GFPT2: variants seen among roughly 807,000 people sequenced by gnomAD.
GFPT2 encodes the protein glutamine--fructose-6-phosphate transaminase 2, also known as glutamine--fructose-6-phosphate aminotransferase [isomerizing] 2.
Under a neutral mutation model 85.6 loss-of-function variants are expected in GFPT2, and 62 were observed. The ratio of observed to expected loss-of-function variants is 0.72; its 90% confidence interval spans 0.59 to 0.90. The LOEUF (loss-of-function observed/expected upper bound fraction) is 0.90, where lower values mean the gene tolerates loss of function less well. Ranked by LOEUF, GFPT2 falls within the 40% of genes least tolerant of loss-of-function variation. The pLI, the probability that GFPT2 is intolerant of heterozygous loss-of-function variation, is 0.00. For missense variants in GFPT2, 788 were observed against 893.4 expected, an observed-to-expected ratio of 0.88 and a Z score of 1.50; for synonymous variants, 368 against 344.5, an observed-to-expected ratio of 1.07 and a Z score of -0.75.
At position 180,330,751 on chromosome 5, in the gene GFPT2, TTC is replaced by T. The variant is rs1764286809; in HGVS notation, c.481_482del (p.Glu161AsnfsTer2). ...KLIKYVFDNR[E>X]TEDITFSTLV... ...ACGTTGAAAACGTAATGTCCTCAGT[TTC>T]TCTGTTGTCGAACACATATTTAATC... On this transcript the variant is annotated frameshift_variant, in exon 6 of 19. Transcript: ENST00000253778. LOFTEE classifies it high-confidence loss of function. This position sits in a 1 kb window ranked among gnomAD's most constrained non-coding sequence, Gnocchi z 4.4. 1.2e-6 allele frequency: 2 copies of T among 1,613,066 alleles called. No homozygotes were observed. The highest frequency in any genetic ancestry group is 2.2e-5 in the South Asian group (2 of 91,080).
chr5:180,324,725 T>C, intron 8 of GFPT2, 91 bp downstream of exon 8: 1 of 859,614 alleles, frequency 1.2e-6, no homozygotes. Flanking sequence ...GGGGTTTCCT[T>C]GCCTCAGAGG....
At chr5:180,336,855 G>A (rs1764411691) in intron 2 of GFPT2, among the ~76,000 whole-genome samples, 1 of 152,264 alleles carries the variant, frequency 6.6e-6, no homozygotes, top group African/African-American at 2.4e-5. Flanking sequence ...CCCCGCTGCA[G>A]GCGCTCCCAG....
chr5:180,351,288 A>G (rs1764705950), intron 1 of GFPT2, among the ~76,000 whole-genome samples: 1 of 152,208 alleles, frequency 6.6e-6, no homozygotes. Flanking sequence ...AGGATACTTA[A>G]GCAAGTGTCA....
Position 180,302,965 on chromosome 5 carries a change from C to G in GFPT2, c.1843-381G>C, listed in dbSNP as rs188353339. ...GAATTCCAGGCCGGGCGTGGTGGCT[C>G]ACGCCTGTAATCCCAACACTTTGGG... On this transcript the variant is annotated intron_variant, in intron 17 of 18. Coordinates refer to ENST00000253778, the MANE Select transcript of GFPT2 (RefSeq NM_005110.4). 1.9e-3 allele frequency among the ~76,000 whole-genome samples: 288 copies of G among 152,202 alleles called. 2 individuals are homozygous for G. The highest frequency in any genetic ancestry group is 6.8e-3 in the Middle Eastern group (2 of 294).
At chr5:180,338,661 C>T (rs1321130163) in intron 1 of GFPT2, 61 bp from the exon 2 acceptor site, 2 of 1,024,306 alleles carry the variant, frequency 2.0e-6, no homozygotes, top group Middle Eastern at 2.0e-4. Context: ...TGGAAGAAAA[C>T]GCTTCTGGGG....
chr5:180,308,172 CGT>C (rs1197355502), intron 15 of GFPT2, among the ~76,000 whole-genome samples: 1 of 151,602 alleles, frequency 6.6e-6, no homozygotes, highest in Non-Finnish European at 1.5e-5. Context: ...AGGAGAGTGG[CGT>C]GAACCTGGGA....
At chr5:180,352,132 C>T (rs1406289288) in intron 1 of GFPT2, among the ~76,000 whole-genome samples, 2 of 152,152 alleles carry the variant, frequency 1.3e-5, no homozygotes, top group Admixed American at 6.5e-5. Context: ...CCGAAGCACG[C>T]TGCCCGCTCC....
chr5:180,338,449 C>G, intron 2 of GFPT2, 44 bp downstream of exon 2: 1 of 1,081,238 alleles, frequency 9.2e-7, no homozygotes, highest in Non-Finnish European at 1.4e-6. Flanking sequence ...ACCACAGCAG[C>G]GGAGCCCGGT....
intron 15 of GFPT2, among the ~76,000 whole-genome samples, chr5:180,310,014 G>C (rs1350715236): frequency 6.6e-6 from 1 of 151,266 alleles, no homozygotes; most frequent in African/African-American, 2.4e-5. Context: ...GTTTCACCAT[G>C]TTAGCCAGGA....
intron 6 of GFPT2, among the ~76,000 whole-genome samples, chr5:180,329,497 G>C (rs1212530632): frequency 1.3e-5 from 2 of 152,216 alleles, no homozygotes; most frequent in African/African-American, 2.4e-5. Flanking sequence ...AGAAGAAACA[G>C]CATGCTGTAA....
rs1764299289 is a variant in GFPT2 at position 180,331,476 on chromosome 5, C to T, written c.399+19G>A. The T allele has an allele frequency of 4.8e-6, 7 of 1,470,378 alleles. No homozygotes were observed. Among genetic ancestry groups the T allele is most frequent in the African/African-American group, 1.4e-5 (1 of 72,292 alleles). The allele number at this position is 1,470,378 out of a possible 1,614,324, so 91.1% of individuals were successfully genotyped here. On this transcript the variant is annotated intron_variant, in intron 5 of 18. Transcript: ENST00000253778. ...CCAATCCCACCGGACTGAGACATCACCTAGGGGAAGCATCTTACCAGAAAT... is the reference window on the plus strand; with the variant it reads ...CCAATCCCACCGGACTGAGACATCATCTAGGGGAAGCATCTTACCAGAAAT...
intron 9 of GFPT2, among the ~76,000 whole-genome samples, chr5:180,322,444 G>A (rs1003587178): frequency 6.6e-6 from 1 of 152,164 alleles, no homozygotes; most frequent in South Asian, 2.1e-4. Flanking sequence ...TTACTCTAAA[G>A]CATTTTTTTT....
At chr5:180,310,552 A>G (rs1763858725) in intron 15 of GFPT2, among the ~76,000 whole-genome samples, 1 of 151,760 alleles carries the variant, frequency 6.6e-6, no homozygotes, top group South Asian at 2.1e-4. Flanking sequence ...CTGGGATTAC[A>G]GGCACCTGCC....
intron 1 of GFPT2, among the ~76,000 whole-genome samples, chr5:180,340,184 G>GTT (rs200520087): frequency 6.8e-5 from 10 of 147,214 alleles, no homozygotes; most frequent in South Asian, 4.3e-4. Flanking sequence ...CTCTCTGGAG[G>GTT]TTTTTTTTTT....
rs1764049251 is a variant in GFPT2 at position 180,318,092 on chromosome 5, G to C, written c.958+701C>G. 6.6e-6 allele frequency among the ~76,000 whole-genome samples: 1 copy of C among 152,158 alleles called. No individual in the cohort carries two copies. The highest frequency in any genetic ancestry group is 2.4e-5 in the African/African-American group (1 of 41,434). The stretch of plus-strand genomic sequence containing the variant: ...ACACAGGAGCAGAGAAGGAGTCTCT[G>C]AGGGGGTGACATTTCAAGGGAGCTG... On this transcript the variant is annotated intron_variant, in intron 10 of 18. Transcript: ENST00000253778. The surrounding 1 kb of genome is among the most constrained non-coding windows in gnomAD (Gnocchi z 4.2).
chr5:180,317,082 G>C (rs773464886), intron 10 of GFPT2, 24 bp from the exon 11 acceptor site: 1 of 1,386,134 alleles, frequency 7.2e-7, no homozygotes, highest in South Asian at 1.2e-5. Flanking sequence ...CGTCTGGTCA[G>C]TTTTAATTTC....
At chr5:180,342,983 G>A (rs1470564322) in intron 1 of GFPT2, among the ~76,000 whole-genome samples, 2 of 152,086 alleles carry the variant, frequency 1.3e-5, no homozygotes, top group Admixed American at 6.5e-5. Flanking sequence ...TCAAATTGTG[G>A]TCAATGTAAA....
intron 17 of GFPT2, among the ~76,000 whole-genome samples, chr5:180,302,928 A>G (rs1263847226): frequency 2.6e-5 from 4 of 152,164 alleles, no homozygotes; most frequent in Admixed American, 2.6e-4. Context: ...AAGCAAACCA[A>G]GAAATAAAGA....
At chr5:180,340,196 GTTTT>G (rs1266065520) in intron 1 of GFPT2, among the ~76,000 whole-genome samples, 1 of 147,764 alleles carries the variant, frequency 6.8e-6, no homozygotes, top group Non-Finnish European at 1.5e-5. Context: ...TTTTTTTTTT[GTTTT>G]TGTTTTTGTT....
Sources: gnomAD v4.1 joint callset for allele counts (sites outside exome capture counted in the v4.1 genomes callset) on GRCh38, gnomAD v4.1.1 for gene constraint, Gnocchi (gnomAD v3.1) non-coding constraint, MANE v1.5 for transcripts, NCBI Gene and HGNC (gene_info 2026-07-23, HGNC 2026-07-21) for gene names.